The following SVIL variants were observed in gnomAD, a reference collection of about 807,000 sequenced individuals.
SVIL encodes archvillin.
A neutral mutation model predicts 240.4 loss-of-function variants in SVIL; 101 were observed. That is an observed-to-expected ratio of 0.42 (90% CI 0.36 to 0.50). The LOEUF is 0.50. Ranked by LOEUF, SVIL falls within the 20% of genes least tolerant of loss-of-function variation. The pLI is 0.01. For synonymous variants in SVIL, 999 were observed against 1,100.0 expected (o/e 0.91, Z 1.82); for missense variants, 2,512 against 2,818.7 (o/e 0.89, Z 2.46).
At chr10:29,489,697 GCCA>G (rs1313866399) in intron 22 of SVIL, among the ~76,000 whole-genome samples, 3 of 151,968 alleles carry the variant, frequency 2.0e-5, no homozygotes, top group Admixed American at 1.3e-4. Context: ...CCAGGTGAGT[GCCA>G]CCACACCTGG....
At chr10:29,604,202 C>CTT (rs34705681) in intron 1 of SVIL, among the ~76,000 whole-genome samples, 3 of 134,952 alleles carry the variant, frequency 2.2e-5, no homozygotes, top group South Asian at 2.4e-4. Flanking sequence ...TATTGTTCCT[C>CTT]TTTTTTTTTT....
intron 17 of SVIL, among the ~76,000 whole-genome samples, chr10:29,499,996 T>C (rs1377142958): frequency 1.3e-5 from 2 of 152,140 alleles, no homozygotes; most frequent in African/African-American, 4.8e-5. Context: ...TTCCAAGCCA[T>C]TGATGATGCT....
intron 6 of SVIL, among the ~76,000 whole-genome samples, chr10:29,548,950 G>T (rs1414345104): frequency 2.6e-5 from 4 of 152,102 alleles, no homozygotes; most frequent in South Asian, 2.1e-4. Context: ...TAAGACATAG[G>T]CATGGGCAAG....
intron 2 of SVIL, among the ~76,000 whole-genome samples, chr10:29,679,138 G>C (rs1960428938): frequency 6.6e-6 from 1 of 152,220 alleles, no homozygotes; most frequent in African/African-American, 2.4e-5. Flanking sequence ...CTGAAAGGCA[G>C]AGGCTGCAGT....
At chr10:29,672,910 G>A (rs904358986) in intron 2 of SVIL, among the ~76,000 whole-genome samples, 5 of 151,886 alleles carry the variant, frequency 3.3e-5, no homozygotes, top group African/African-American at 1.2e-4. Flanking sequence ...TTTTTGTTTT[G>A]TTTTGTTGTT....
intron 11 of SVIL, 68 bp downstream of exon 11, chr10:29,530,539 G>A: frequency 3.2e-6 from 5 of 1,565,330 alleles, no homozygotes; most frequent in Non-Finnish European, 4.4e-6. Context: ...TCCTGCCTTG[G>A]CCTCTCAAAT....
chr10:29,463,487 C>T lies in SVIL; in HGVS notation c.6277+5G>A. ...GTGCTGCAGGCATGTTAGAGGGAGC[C>T]TCACCTTTGCAGTACTGGAGCACAG... On this transcript the variant is annotated splice_donor_5th_base_variant and intron_variant, in intron 35 of 37. Transcript: ENST00000355867. The T allele has an allele frequency of 6.2e-7, 1 of 1,613,380 alleles. No homozygotes were observed. Among genetic ancestry groups the T allele is most frequent in the Non-Finnish European group, 8.5e-7 (1 of 1,179,618 alleles).
intron 3 of SVIL, among the ~76,000 whole-genome samples, chr10:29,642,183 GA>G (rs1388613380): frequency 6.6e-6 from 1 of 152,122 alleles, no homozygotes; most frequent in African/African-American, 2.4e-5. Flanking sequence ...TGGCTCACCT[GA>G]GGTCAGGAGT....
intron 1 of SVIL, among the ~76,000 whole-genome samples, chr10:29,703,844 C>A (rs1052087060): frequency 3.3e-5 from 5 of 152,186 alleles, no homozygotes; most frequent in Non-Finnish European, 7.4e-5. Context: ...ATCAGTCGCC[C>A]AGGCTGGGGT....
intron 6 of SVIL, among the ~76,000 whole-genome samples, chr10:29,549,549 T>G (rs372003222): frequency 2.8e-5 from 4 of 145,418 alleles, no homozygotes; most frequent in Non-Finnish European, 6.0e-5. Flanking sequence ...TATAAATCAT[T>G]CTGCTATAAA....
chr10:29,678,904 A>G (rs148883900), intron 2 of SVIL, among the ~76,000 whole-genome samples: 2 of 152,292 alleles, frequency 1.3e-5, no homozygotes, highest in East Asian at 3.9e-4. Flanking sequence ...GCCTGTGTAT[A>G]AAATTAAAAA....
At chr10:29,569,539 C>T (rs1250029097) in intron 1 of SVIL, among the ~76,000 whole-genome samples, 2 of 152,162 alleles carry the variant, frequency 1.3e-5, no homozygotes, top group Non-Finnish European at 2.9e-5. Flanking sequence ...AGCCAACATA[C>T]TCCATGGGTA....
At chr10:29,530,431 A>G (rs1442236100) in intron 11 of SVIL, among the ~76,000 whole-genome samples, 176 bp downstream of exon 11, 1 of 152,096 alleles carries the variant, frequency 6.6e-6, no homozygotes, top group Non-Finnish European at 1.5e-5. Flanking sequence ...GGTCCACAAG[A>G]TTCCCCCTCC....
chr10:29,732,179 T>C (rs896626770), intron 1 of SVIL, among the ~76,000 whole-genome samples: 1 of 151,524 alleles, frequency 6.6e-6, no homozygotes, highest in Non-Finnish European at 1.5e-5. Flanking sequence ...ATGTAAAACC[T>C]ACATAATGAC....
intron 1 of SVIL, among the ~76,000 whole-genome samples, chr10:29,599,332 T>C (rs74787570): frequency 3.3e-5 from 5 of 152,334 alleles, no homozygotes; most frequent in Middle Eastern, 3.4e-3. Context: ...CTGGAAAATT[T>C]AGAACACATT....
intron 1 of SVIL, among the ~76,000 whole-genome samples, chr10:29,710,774 G>A (rs558024729): frequency 6.6e-6 from 1 of 152,092 alleles, no homozygotes; most frequent in East Asian, 1.9e-4. Flanking sequence ...TTTCAAACAC[G>A]TAAGACTCAG....
chr10:29,595,441 G>A (rs1046037875), intron 1 of SVIL, among the ~76,000 whole-genome samples: 1 of 152,154 alleles, frequency 6.6e-6, no homozygotes, highest in South Asian at 2.1e-4. Flanking sequence ...AGAAAGGCAC[G>A]TGCCCAGTGA....
chr10:29,522,179 C>T (rs551853176), intron 16 of SVIL, among the ~76,000 whole-genome samples: 1 of 152,308 alleles, frequency 6.6e-6, no homozygotes, highest in Admixed American at 6.5e-5. Context: ...TCATCTGAGT[C>T]TGGAACCAGC....
intron 9 of SVIL, among the ~76,000 whole-genome samples, chr10:29,531,704 T>A (rs1589137055): frequency 6.6e-6 from 1 of 152,312 alleles, no homozygotes; most frequent in South Asian, 2.1e-4. Flanking sequence ...CAATCTGGAG[T>A]CTAATTTAAC....
Sources: allele counts gnomAD v4.1 joint callset (sites outside exome capture counted in the v4.1 genomes callset), GRCh38; gene constraint gnomAD v4.1.1; transcripts MANE v1.5; gene names NCBI Gene and HGNC (gene_info 2026-07-23, HGNC 2026-07-21).